Variants in LRRC37A3 observed in about 807,000 individuals in gnomAD.
The protein encoded by LRRC37A3 is leucine-rich repeat-containing protein 37A3.
In LRRC37A3, 25 loss-of-function variants were observed where a neutral mutation model predicts 106.2. That is an observed-to-expected ratio of 0.24 (90% CI 0.17 to 0.33). The LOEUF is 0.33. Among genes scored for constraint, LRRC37A3 ranks in the 10% least tolerant of loss-of-function variants. LRRC37A3 has a pLI of 1.00. For synonymous variants in LRRC37A3, 305 were observed against 635.8 expected, an observed-to-expected ratio of 0.48 and a Z score of 7.83; for missense variants, 712 against 1,644.9, an observed-to-expected ratio of 0.43 and a Z score of 9.81.
chr17:64,877,884 G>A (rs1468487869), intron 8 of LRRC37A3, among the ~76,000 whole-genome samples: 3 of 152,060 alleles, frequency 2.0e-5, no homozygotes, highest in Admixed American at 6.5e-5. Context: ...TGACAAGGGT[G>A]CTGAAACAAT....
At position 64,862,982 on chromosome 17, in the gene LRRC37A3, T is replaced by C; in HGVS notation, c.3090A>G (p.Gln1030=). 4 of 1,598,234 alleles carry C rather than the reference T, an allele frequency of 2.5e-6. No individual in the cohort carries two copies. The highest frequency in any genetic ancestry group is 2.5e-6 in the Non-Finnish European group (3 of 1,179,776). Residue 1030 remains glutamine, a synonymous_variant, in exon 11 of 15, where the codon CAA becomes CAG. Coordinates refer to ENST00000584306, the MANE Select transcript of LRRC37A3 (RefSeq NM_199340.5). The part of the protein sequence containing the change: ...VPSHMACCLC[Q]FKNSIEAVCK... ...AGACAGCCTCAATGCTGTTTTTAAA[T>C]TGGCAGAGGCAGCAGGCCATATGGC...
intron 13 of LRRC37A3, among the ~76,000 whole-genome samples, chr17:64,857,207 T>C (rs1972707044): frequency 6.6e-6 from 1 of 152,104 alleles, no homozygotes; most frequent in Non-Finnish European, 1.5e-5. Flanking sequence ...CCTCAAATAC[T>C]TTTCCCATGT....
intron 12 of LRRC37A3, 107 bp downstream of exon 12, chr17:64,859,335 C>A (rs1972787751): frequency 8.0e-7 from 1 of 1,254,576 alleles, no homozygotes; most frequent in Non-Finnish European, 1.1e-6. Flanking sequence ...GTTACATGGC[C>A]AAGATAAGCT....
At chr17:64,917,346 T>A (rs1598440700) in intron 2 of LRRC37A3, among the ~76,000 whole-genome samples, 1 of 144,572 alleles carries the variant, frequency 6.9e-6, no homozygotes, top group Non-Finnish European at 1.5e-5. Context: ...GAATGCAAAA[T>A]GGTACAGCTA....
chr17:64,856,345 T>A (rs911806306), intron 13 of LRRC37A3, among the ~76,000 whole-genome samples: 273 of 151,564 alleles, frequency 1.8e-3, no homozygotes, highest in African/African-American at 6.4e-3. Context: ...GCCTCTTGAG[T>A]AGCTGAGACT....
In LRRC37A3 at chr17:64,918,822, C is replaced by T. The variant is rs921240833; in HGVS notation, c.-568G>A. On this transcript the variant is annotated 5_prime_UTR_variant, in exon 2 of 15. Coordinates refer to ENST00000584306, the MANE Select transcript of LRRC37A3 (RefSeq NM_199340.5). ...AGCTGAGGCGGGCGGATCGCCTGAG[C>T]TCAGGAGTTCGACACCAGCCTGGGC... 1.3e-4 allele frequency: 61 copies of T among 469,902 alleles called. 2 individuals carry two copies. In the Admixed American group the frequency reaches 2.1e-3, roughly 16 times the overall value. The allele number at this position is 469,902 out of a possible 1,614,324, so 29.1% of individuals were successfully genotyped here. A position where few individuals can be genotyped will look rare whatever the true frequency, so the allele number is the denominator to read the frequency against.
At chr17:64,876,631 A>T (rs1374091226) in intron 8 of LRRC37A3, among the ~76,000 whole-genome samples, 2 of 152,280 alleles carry the variant, frequency 1.3e-5, no homozygotes, top group African/African-American at 4.8e-5. Flanking sequence ...GATGAAAGAC[A>T]CATTACCAGA....
chr17:64,856,087 T>C (rs1477735937), intron 13 of LRRC37A3, among the ~76,000 whole-genome samples, 198 bp from the exon 14 acceptor site: 1 of 152,072 alleles, frequency 6.6e-6, no homozygotes. Context: ...GGGGGATTGG[T>C]TCTAGGATAC....
chr17:64,919,169 G>GGGCGGC (rs970251921), intron 1 of LRRC37A3, among the ~76,000 whole-genome samples: 50 of 151,444 alleles, frequency 3.3e-4, no homozygotes, highest in South Asian at 6.2e-4. Flanking sequence ...GTCCGGACGT[G>GGGCGGC]GGCGGCGGCG....
At chr17:64,874,751 A>T (rs1973450759) in intron 8 of LRRC37A3, among the ~76,000 whole-genome samples, 2 of 152,256 alleles carry the variant, frequency 1.3e-5, no homozygotes, top group Admixed American at 6.5e-5. Context: ...TTCTGTACTA[A>T]GAAAAATTCT....
rs763291404 is a variant in LRRC37A3 at position 64,860,743 on chromosome 17, T to G, written c.3403A>C (p.Lys1135Gln). The G allele has an allele frequency of 6.2e-7, 1 of 1,613,966 alleles. No individual in the cohort carries two copies. Among genetic ancestry groups the G allele is most frequent in the Non-Finnish European group, 8.5e-7 (1 of 1,179,956 alleles). ...TTAATGAACGGTAGTAACAGTGATT[T>G]CACATCTAGGTTAACGGCTGAGAAA... ...PYFSAVNLDV[K>Q]SLLLPFIKLP... The change falls in exon 12 of 15, where the codon AAA becomes CAA. Residue 1135 changes from lysine to glutamine, a missense_variant. Physicochemically the swap from Lys to Gln is moderately conservative, Grantham distance 53 (BLOSUM62 1). Coordinates refer to ENST00000584306, the MANE Select transcript of LRRC37A3 (RefSeq NM_199340.5).
chr17:64,917,269 A>C (rs951782624), intron 2 of LRRC37A3, among the ~76,000 whole-genome samples: 9 of 151,384 alleles, frequency 5.9e-5, no homozygotes, highest in Non-Finnish European at 1.2e-4. Flanking sequence ...AAAAAAAAAA[A>C]ACCTGAAAAT....
intron 11 of LRRC37A3, 73 bp from the exon 12 acceptor site, chr17:64,861,046 C>A (rs1972851396): frequency 6.2e-7 from 1 of 1,608,718 alleles, no homozygotes. Flanking sequence ...TAGCTGTACA[C>A]TCCAGTCACA....
rs1197962214 is a variant in LRRC37A3 at position 64,855,224 on chromosome 17, G to A, written c.4860-580C>T. Among the ~76,000 whole-genome samples, 9 of 146,272 alleles carry A rather than the reference G, an allele frequency of 6.2e-5. No homozygotes were observed. In the South Asian group the frequency reaches 6.5e-4, roughly 11 times the overall value. ...GTTTCCTCAGTTCTAGGATCCAGGG[G>A]AAAAAAAAAAAGAAATAAAAGAGAA... On this transcript the variant is annotated intron_variant, in intron 14 of 14. Coordinates refer to ENST00000584306, the MANE Select transcript of LRRC37A3 (RefSeq NM_199340.5).
intron 5 of LRRC37A3, among the ~76,000 whole-genome samples, chr17:64,890,757 G>C (rs1197692451): frequency 6.9e-6 from 1 of 145,730 alleles, no homozygotes; most frequent in South Asian, 2.1e-4. Flanking sequence ...CCTTGAACCC[G>C]GGAGGTGGAG....
intron 10 of LRRC37A3, among the ~76,000 whole-genome samples, chr17:64,868,232 C>T (rs1253607220): frequency 4.6e-5 from 7 of 152,072 alleles, no homozygotes; most frequent in Non-Finnish European, 7.3e-5. Flanking sequence ...GATGGGATTG[C>T]CTACAAAGGG....
Position 64,854,133 on chromosome 17 carries a change from T to A in LRRC37A3, c.*466A>T, listed in dbSNP as rs1315150211. Reference sequence around the variant, plus strand: ...GATTTTTAAAAAGAAAAACACATTTTAAAAAAAGCAATGTGAATCTTTTGC... The same window carrying A: ...GATTTTTAAAAAGAAAAACACATTTAAAAAAAAGCAATGTGAATCTTTTGC... On this transcript the variant is annotated 3_prime_UTR_variant, in exon 15 of 15. Transcript: ENST00000584306. Among the ~76,000 whole-genome samples the A allele has an allele frequency of 6.6e-6, 1 of 152,180 alleles. No homozygotes were observed. Among genetic ancestry groups the A allele is most frequent in the Non-Finnish European group, 1.5e-5 (1 of 68,032 alleles).
At chr17:64,882,786 CTTA>C (rs1283935405) in intron 8 of LRRC37A3, among the ~76,000 whole-genome samples, 1 of 152,154 alleles carries the variant, frequency 6.6e-6, no homozygotes, top group African/African-American at 2.4e-5. Context: ...GGATTTTCCT[CTTA>C]TTCTTAGTGC....
intron 8 of LRRC37A3, among the ~76,000 whole-genome samples, chr17:64,872,197 C>CA: frequency 7.8e-6 from 1 of 127,784 alleles, no homozygotes; most frequent in Non-Finnish European, 1.6e-5. Context: ...GCAACAAATA[C>CA]CAAAAAAATA....
Sources: allele counts gnomAD v4.1 joint callset (sites outside exome capture counted in the v4.1 genomes callset), GRCh38; gene constraint gnomAD v4.1.1; transcripts MANE v1.5; gene names NCBI Gene and HGNC (gene_info 2026-07-23, HGNC 2026-07-21).